The following SLC45A4 variants were observed in gnomAD, a reference collection of about 807,000 sequenced individuals.
SLC45A4 encodes the protein solute carrier family 45 member 4.
In SLC45A4, 32 loss-of-function variants were observed where a neutral mutation model predicts 63.7. That is an observed-to-expected ratio of 0.50 (90% CI 0.38 to 0.67). SLC45A4 has a LOEUF of 0.67. SLC45A4 is among the 30% of genes least tolerant of loss of function. The probability of loss-of-function intolerance (pLI) is 0.00; values close to 1 mark genes in which losing one functional copy is unlikely to be tolerated. For synonymous variants in SLC45A4, 535 were observed against 510.0 expected, an observed-to-expected ratio of 1.05 and a Z score of -0.66; for missense variants, 1,027 against 1,157.7, an observed-to-expected ratio of 0.89 and a Z score of 1.64.
chr8:141,307,354 G>A (rs927035911), intron 1 of SLC45A4, among the ~76,000 whole-genome samples: 4 of 152,196 alleles, frequency 2.6e-5, no homozygotes, highest in African/African-American at 9.6e-5. Context: ...CCAGGGACAA[G>A]GTCGGTCTCA....
intron 1 of SLC45A4, among the ~76,000 whole-genome samples, chr8:141,290,297 G>A (rs1168948831): frequency 1.2e-4 from 18 of 151,984 alleles, no homozygotes; most frequent in Admixed American, 9.8e-4. Context: ...CCTCGGCACC[G>A]GCAGAAAGGC....
At chr8:141,238,826 G>A (rs1476689640) in intron 2 of SLC45A4, among the ~76,000 whole-genome samples, 2 of 152,214 alleles carry the variant, frequency 1.3e-5, no homozygotes, top group Non-Finnish European at 2.9e-5. Flanking sequence ...GGGCCGGCGC[G>A]GGGCAGAGCA....
chr8:141,274,740 G>T (rs952725897), intron 1 of SLC45A4, among the ~76,000 whole-genome samples: 1 of 152,090 alleles, frequency 6.6e-6, no homozygotes, highest in African/African-American at 2.4e-5. Flanking sequence ...GGACAGAATG[G>T]GTCACCTCTA....
intron 2 of SLC45A4, among the ~76,000 whole-genome samples, chr8:141,246,518 G>A (rs11780402): frequency 0.018 from 2,145 of 117,722 alleles, 3 homozygotes; most frequent in Middle Eastern, 0.04. Flanking sequence ...CAACAGAGAG[G>A]GTCTCCCAGC....
chr8:141,228,486 T>C, intron 2 of SLC45A4: 2 of 1,336,116 alleles, frequency 1.5e-6, no homozygotes, highest in Non-Finnish European at 1.9e-6. Flanking sequence ...TGGGCACCTG[T>C]CTTCACTGGC....
chr8:141,246,855 C>T (rs973718289), intron 2 of SLC45A4, among the ~76,000 whole-genome samples: 1 of 152,188 alleles, frequency 6.6e-6, no homozygotes, highest in Admixed American at 6.5e-5. Flanking sequence ...TGGTGCACAC[C>T]TGCAATCCCA....
At chr8:141,258,885 C>CTT (rs71504830) in intron 1 of SLC45A4, among the ~76,000 whole-genome samples, 42 of 119,536 alleles carry the variant, frequency 3.5e-4, no homozygotes, top group African/African-American at 1.3e-3. Flanking sequence ...AGTGAGACCT[C>CTT]TTTTTTTTAA....
chr8:141,264,690 C>T (rs960438085), intron 1 of SLC45A4, among the ~76,000 whole-genome samples: 4 of 152,226 alleles, frequency 2.6e-5, no homozygotes, highest in African/African-American at 9.6e-5. Context: ...TGCACCTGTC[C>T]AAGTCCACCC....
Position 141,218,174 on chromosome 8 carries a change from TC to T in SLC45A4, c.1465del (p.Glu489ArgfsTer14). 6.2e-7 allele frequency: 1 copy of T among 1,604,572 alleles called. No individual in the cohort carries two copies. ...SSGDTESEEG[E>X]GETTVRLLWL... Reference sequence around the variant, plus strand: ...CAGCAGGCGCACCGTGGTCTCGCCCTCCCCCTCCTCACTCTCGGTGTCCCCG... The same window carrying T: ...CAGCAGGCGCACCGTGGTCTCGCCCTCCCCTCCTCACTCTCGGTGTCCCCG... On this transcript the variant is annotated frameshift_variant, in exon 5 of 9. Transcript: ENST00000517878. LOFTEE classifies it high-confidence loss of function.
At chr8:141,287,870 G>A (rs762523631) in intron 1 of SLC45A4, among the ~76,000 whole-genome samples, 7 of 152,210 alleles carry the variant, frequency 4.6e-5, no homozygotes, top group Non-Finnish European at 8.8e-5. Flanking sequence ...GAGGGCCCGG[G>A]CCAGGGGCAC....
Position 141,218,578 on chromosome 8 carries a change from G to A in SLC45A4, c.1062C>T (p.Thr354=), listed in dbSNP as rs1266533622. 1.9e-6 allele frequency: 3 copies of A among 1,613,530 alleles called. No homozygotes were observed. The highest frequency in any genetic ancestry group is 1.6e-4 in the Middle Eastern group (1 of 6,062). ...GGAAGGTGGCCAGGCGGGGCAGCTT[G>A]GTCTTGGCGAGCTCCTGGCTGGTGC... ...PRSTSQELAK[T]KLPRLATFLK... is the part of the protein sequence containing the mutation. The change falls in exon 5 of 9, where the codon ACC becomes ACT. Residue 354 remains threonine, a synonymous_variant. Transcript: ENST00000517878.
Position 141,211,401 on chromosome 8 carries a change from G to T in SLC45A4, c.*171C>A, listed in dbSNP as rs1428791702. 3 of 1,532,168 alleles carry T rather than the reference G, an allele frequency of 2.0e-6. No individual in the cohort carries two copies. Among genetic ancestry groups the T allele is most frequent in the Non-Finnish European group, 2.6e-6 (3 of 1,142,230 alleles). 94.9% of individuals were successfully genotyped at this position (1,532,168 alleles called of 1,614,324 possible). On this transcript the variant is annotated 3_prime_UTR_variant, in exon 9 of 9. Coordinates refer to ENST00000517878, the MANE Select transcript of SLC45A4 (RefSeq NM_001286646.2). ...ACGCTCCGCCCCCAGGTGGTGCCCA[G>T]CCCATCCCTGGGCAGGGTGTCTGGG...
chr8:141,232,131 G>A (rs1433047404), intron 2 of SLC45A4, among the ~76,000 whole-genome samples: 1 of 152,206 alleles, frequency 6.6e-6, no homozygotes, highest in African/African-American at 2.4e-5. Flanking sequence ...AGCCTCCAAT[G>A]GATTATATCA....
In SLC45A4 at chr8:141,261,487, C is replaced by T. The variant is rs561023911; in HGVS notation, c.-400-6858G>A. ...ATCTAGAAAACCCCATCGTCTCAGC[C>T]CAAAATCTCCTTAAGCTGATAAGCA... On this transcript the variant is annotated intron_variant, in intron 1 of 8. Coordinates refer to ENST00000517878, the MANE Select transcript of SLC45A4 (RefSeq NM_001286646.2). 3.2e-3 allele frequency among the ~76,000 whole-genome samples: 485 copies of T among 152,056 alleles called. 1 individual carries two copies. The highest frequency in any genetic ancestry group is 0.011 in the African/African-American group (457 of 41,454).
At chr8:141,237,018 T>A (rs1362699304) in intron 2 of SLC45A4, among the ~76,000 whole-genome samples, 2 of 152,252 alleles carry the variant, frequency 1.3e-5, no homozygotes, top group Non-Finnish European at 2.9e-5. Context: ...TGTTAAATGA[T>A]CATTTTTCGG....
chr8:141,228,142 G>A (rs1389592713), intron 2 of SLC45A4: 2 of 1,613,208 alleles, frequency 1.2e-6, no homozygotes, highest in East Asian at 2.2e-5. Context: ...GGAGTGATCT[G>A]GGTGGAGGCA....
At chr8:141,223,514 T>C (rs1239066037) in intron 2 of SLC45A4, among the ~76,000 whole-genome samples, 3 of 152,222 alleles carry the variant, frequency 2.0e-5, no homozygotes, top group African/African-American at 7.2e-5. Flanking sequence ...TACCAATGTA[T>C]GTCGGCAAAC....
intron 1 of SLC45A4, among the ~76,000 whole-genome samples, chr8:141,271,573 G>A (rs970446279): frequency 1.1e-4 from 17 of 152,202 alleles, no homozygotes; most frequent in Non-Finnish European, 2.4e-4. Context: ...GCAGGCATCA[G>A]GGTAATCCCC....
chr8:141,234,235 G>GA (rs1266290737), intron 2 of SLC45A4, among the ~76,000 whole-genome samples: 4 of 152,192 alleles, frequency 2.6e-5, no homozygotes, highest in African/African-American at 9.7e-5. Context: ...TGGTTTGAAG[G>GA]AAAAGTGCTG....
Sources: gnomAD v4.1 joint callset for allele counts (sites outside exome capture counted in the v4.1 genomes callset) on GRCh38, gnomAD v4.1.1 for gene constraint, MANE v1.5 for transcripts, NCBI Gene and HGNC (gene_info 2026-07-23, HGNC 2026-07-21) for gene names.